TOP2B: variants seen among roughly 807,000 people sequenced by gnomAD.
The protein encoded by TOP2B is DNA topoisomerase II beta.
In TOP2B, 51 loss-of-function variants were observed where a neutral mutation model predicts 193.5. The observed-to-expected ratio is 0.26, with a 90% CI of 0.21 to 0.33. The LOEUF is 0.33. TOP2B is among the 10% of genes least tolerant of loss of function. The probability of loss-of-function intolerance (pLI) is 1.00; values close to 1 mark genes in which losing one functional copy is unlikely to be tolerated. For synonymous variants in TOP2B, 634 were observed against 635.7 expected, an observed-to-expected ratio of 1.00 and a Z score of 0.04; for missense variants, 1,378 against 1,909.3, an observed-to-expected ratio of 0.72 and a Z score of 5.19.
intron 21 of TOP2B, 94 bp from the exon 22 acceptor site, chr3:25,620,910 C>G: frequency 7.6e-7 from 1 of 1,311,280 alleles, no homozygotes; most frequent in Non-Finnish European, 1.0e-6. Flanking sequence ...ACAACTGAAA[C>G]AGAATTTCTC....
intron 33 of TOP2B, among the ~76,000 whole-genome samples, chr3:25,603,879 A>AG (rs977214190): frequency 6.6e-5 from 10 of 151,344 alleles, no homozygotes; most frequent in African/African-American, 2.2e-4. Flanking sequence ...AGCTGGGAGC[A>AG]GGGGGGTGTT....
Position 25,638,314 on chromosome 3 carries a change from T to TGA in TOP2B, c.396-5_396-4insTC, listed in dbSNP as rs1703160557. On this transcript the variant is annotated splice_polypyrimidine_tract_variant and splice_region_variant and intron_variant, in intron 4 of 35. Coordinates refer to ENST00000264331, the MANE Select transcript of TOP2B (RefSeq NM_001330700.2). ...AATGCTTATAATGTTAGATTCACTG[T>TGA]AAAAAAAAAAAAAAAAAAAAAAAAA... is the stretch of plus-strand genomic sequence containing the variant. 7.7e-6 allele frequency: 1 copy of TGA among 129,164 alleles called. No homozygotes were observed. Among genetic ancestry groups the TGA allele is most frequent in the African/African-American group, 1.0e-4 (1 of 10,046 alleles). The allele number at this position is 129,164 out of a possible 1,614,324, so 8.0% of individuals were successfully genotyped here. A position where few individuals can be genotyped will look rare whatever the true frequency, so the allele number is the denominator to read the frequency against.
At position 25,664,391 on chromosome 3, in the gene TOP2B, C is replaced by G. The variant is rs1030660380; in HGVS notation, c.-94G>C. 15 of 1,341,664 alleles carry G rather than the reference C, an allele frequency of 1.1e-5. No individual in the cohort carries two copies. In the African/African-American group the frequency reaches 2.0e-4, roughly 18 times the overall value. 83.1% of individuals were successfully genotyped at this position (1,341,664 alleles called of 1,614,324 possible). On this transcript the variant is annotated 5_prime_UTR_variant, in exon 1 of 36. Transcript: ENST00000264331. Reference sequence around the variant, plus strand: ...GCCCCGCCGCTCCGCACCCACCGCTCCACTCGCCGCACTCCTAGCCGCGCC... The same window carrying G: ...GCCCCGCCGCTCCGCACCCACCGCTGCACTCGCCGCACTCCTAGCCGCGCC...
intron 7 of TOP2B, 48 bp downstream of exon 7, chr3:25,635,888 C>T: frequency 6.6e-7 from 1 of 1,511,934 alleles, no homozygotes; most frequent in Non-Finnish European, 9.1e-7. Flanking sequence ...CAACAATATT[C>T]TCTCTATAAA....
intron 7 of TOP2B, 139 bp from the exon 8 acceptor site, chr3:25,634,153 T>C (rs1209309994): frequency 2.7e-5 from 16 of 598,650 alleles, no homozygotes; most frequent in Non-Finnish European, 4.2e-5. Flanking sequence ...TAGTGGCATT[T>C]CCCAGATCTA....
chr3:25,625,210 A>G (rs1221053986), intron 18 of TOP2B, among the ~76,000 whole-genome samples: 1 of 152,168 alleles, frequency 6.6e-6, no homozygotes, highest in East Asian at 1.9e-4. Context: ...ATCCCACATC[A>G]GGAAAACCCT....
intron 28 of TOP2B, among the ~76,000 whole-genome samples, chr3:25,611,789 T>C (rs1344232558): frequency 6.6e-6 from 1 of 152,134 alleles, no homozygotes; most frequent in Admixed American, 6.5e-5. Flanking sequence ...GACAGAGTAC[T>C]TTGTAAGCCA....
intron 1 of TOP2B, among the ~76,000 whole-genome samples, chr3:25,659,580 T>C (rs1282626711): frequency 6.6e-6 from 1 of 152,164 alleles, no homozygotes; most frequent in Non-Finnish European, 1.5e-5. Flanking sequence ...GGATAAGTGT[T>C]TTCCCAAAGC....
intron 18 of TOP2B, among the ~76,000 whole-genome samples, 166 bp downstream of exon 18, chr3:25,626,392 CAT>C (rs748076567): frequency 3.2e-4 from 48 of 152,072 alleles, no homozygotes; most frequent in Non-Finnish European, 6.3e-4. Flanking sequence ...ACTATGAAAA[CAT>C]AAAACAAAAG....
intron 1 of TOP2B, among the ~76,000 whole-genome samples, chr3:25,658,453 G>A (rs1343668697): frequency 2.6e-5 from 4 of 151,762 alleles, no homozygotes. Flanking sequence ...TTATCATGAA[G>A]ACAATAAAAG....
Position 25,608,933 on chromosome 3 carries a change from A to T in TOP2B, c.4093+250T>A, listed in dbSNP as rs191889234. ...TGGCAAGGTACATTTTTTCCCAAAC[A>T]TCTTAAAACTGTGGAAGGAATATAA... On this transcript the variant is annotated intron_variant, in intron 30 of 35. Transcript: ENST00000264331. Among the ~76,000 whole-genome samples the T allele has an allele frequency of 4.1e-3, 626 of 152,256 alleles. 8 individuals carry two copies. The highest frequency in any genetic ancestry group is 0.014 in the African/African-American group (591 of 41,560).
At chr3:25,616,850 T>C (rs563283854) in intron 25 of TOP2B, among the ~76,000 whole-genome samples, 35 of 152,064 alleles carry the variant, frequency 2.3e-4, no homozygotes, top group African/African-American at 8.2e-4. Context: ...CTATCACCGT[T>C]AACATAAATA....
intron 16 of TOP2B, 42 bp downstream of exon 16, chr3:25,627,145 G>A (rs758478666): frequency 2.9e-6 from 4 of 1,370,686 alleles, no homozygotes; most frequent in South Asian, 2.6e-5. Context: ...TAGAAGGTAG[G>A]GGGATGGCTA....
At chr3:25,641,058 A>AG (rs1703247919) in intron 4 of TOP2B, among the ~76,000 whole-genome samples, 1 of 152,152 alleles carries the variant, frequency 6.6e-6, no homozygotes, top group South Asian at 2.1e-4. Context: ...CCAGGAATAC[A>AG]GGCGTGAGCT....
At position 25,642,377 on chromosome 3, in the gene TOP2B, C is replaced by T. The variant is rs1703289260; in HGVS notation, c.340G>A (p.Ala114Thr). Reference sequence around the variant, plus strand: ...TTCTTATCCCTCTGTTTATTGTCAGCAGCATTAACTACAAAATTAAACACC... The same window carrying T: ...TTCTTATCCCTCTGTTTATTGTCAGTAGCATTAACTACAAAATTAAACACC... Reference protein sequence around the residue: ...KIFDEILVNAADNKQRDKNMT... With the variant: ...KIFDEILVNATDNKQRDKNMT... The change falls in exon 4 of 36, where the codon GCT becomes ACT. Residue 114 changes from alanine (A) to threonine (T), a missense_variant. Transcript: ENST00000264331. The T allele has an allele frequency of 1.3e-6, 2 of 1,545,240 alleles. No individual in the cohort carries two copies. The highest frequency in any genetic ancestry group is 1.4e-5 in the African/African-American group (1 of 72,890).
chr3:25,617,712 T>C (rs1477610268), intron 25 of TOP2B, among the ~76,000 whole-genome samples: 2 of 152,220 alleles, frequency 1.3e-5, no homozygotes, highest in Non-Finnish European at 2.9e-5. Flanking sequence ...AATAAATTTC[T>C]GTTCTCAATC....
At chr3:25,636,609 T>G (rs1400329509) in intron 6 of TOP2B, among the ~76,000 whole-genome samples, 1 of 152,086 alleles carries the variant, frequency 6.6e-6, no homozygotes, top group Non-Finnish European at 1.5e-5. Context: ...TGTATTACTG[T>G]GATAATAATC....
intron 1 of TOP2B, among the ~76,000 whole-genome samples, chr3:25,648,939 A>G (rs1430756596): frequency 2.0e-5 from 3 of 152,256 alleles, no homozygotes; most frequent in Non-Finnish European, 2.9e-5. Context: ...ATTCAAATTA[A>G]CTGCCATAAG....
At chr3:25,628,991 C>T (rs1702882900) in intron 14 of TOP2B, 39 bp from the exon 15 acceptor site, 1 of 1,574,142 alleles carries the variant, frequency 6.4e-7, no homozygotes, top group South Asian at 1.2e-5. Context: ...TTTTCTGCTA[C>T]CCTTTAAGAC....
Sources: gnomAD v4.1 joint callset for allele counts (sites outside exome capture counted in the v4.1 genomes callset) on GRCh38, gnomAD v4.1.1 for gene constraint, MANE v1.5 for transcripts, NCBI Gene and HGNC (gene_info 2026-07-23, HGNC 2026-07-21) for gene names.